Variants in RPL19 observed in about 807,000 individuals in gnomAD.
The protein encoded by RPL19 is ribosomal protein L19.
Under a neutral mutation model 25.1 loss-of-function variants are expected in RPL19, and 2 were observed. That is an observed-to-expected ratio of 0.08 (90% CI 0.03 to 0.25). The LOEUF (loss-of-function observed/expected upper bound fraction) is 0.25, where lower values mean the gene tolerates loss of function less well. Among genes scored for constraint, RPL19 ranks in the 10% least tolerant of loss-of-function variants. RPL19 has a pLI of 1.00. For synonymous variants in RPL19, 89 were observed against 91.2 expected (o/e 0.98, Z 0.14); for missense variants, 123 against 271.8 (o/e 0.45, Z 3.85).
At chr17:39,202,662 CAAGG>C in intron 3 of RPL19, 1 of 616,904 alleles carries the variant, frequency 1.6e-6, no homozygotes, top group South Asian at 2.0e-5. Flanking sequence ...TACACTATGC[CAAGG>C]ATTCTGTACT....
intron 4 of RPL19, 88 bp downstream of exon 4, chr17:39,203,197 T>C (rs1652663463): frequency 7.5e-7 from 1 of 1,341,026 alleles, no homozygotes; most frequent in Non-Finnish European, 1.0e-6. Context: ...TTTTTTTTTT[T>C]TTGAGATGGA....
chr17:39,204,214 G>A (rs748499368), intron 5 of RPL19, 27 bp downstream of exon 5: 1 of 1,373,010 alleles, frequency 7.3e-7, no homozygotes, highest in South Asian at 1.2e-5. Flanking sequence ...AGTCTTAGGG[G>A]AACATTCTTA....
chr17:39,200,492 C>G, intron 1 of RPL19, 143 bp downstream of exon 1: 1 of 1,304,402 alleles, frequency 7.7e-7, no homozygotes. Flanking sequence ...GGCCGGAGCA[C>G]TTTCGTCCCG....
Position 39,204,201 on chromosome 17 carries a change from CAG to C in RPL19, c.467+17_467+18del, listed in dbSNP as rs545687640. Reference sequence around the variant, plus strand: ...GAAGCTCCTGGCGTAAGTTTCTTTTCAGAGTCTTAGGGGAACATTCTTAGACC... The same window carrying C: ...GAAGCTCCTGGCGTAAGTTTCTTTTCAGTCTTAGGGGAACATTCTTAGACC... On this transcript the variant is annotated intron_variant, in intron 5 of 5. Transcript: ENST00000225430. 3.7e-4 allele frequency: 562 copies of C among 1,500,616 alleles called. No individual in the cohort carries two copies. The African/African-American group carries it at 4.7e-3, about 13-fold the overall frequency. 93.0% of individuals were successfully genotyped at this position (1,500,616 alleles called of 1,614,324 possible).
In RPL19 at chr17:39,204,618, T is replaced by A. The variant is rs11554148; in HGVS notation, c.561T>A (p.Thr187=). The change falls in exon 6 of 6, where the codon ACT becomes ACA. Residue 187 remains threonine, a synonymous_variant. Coordinates refer to ENST00000225430, the MANE Select transcript of RPL19 (RefSeq NM_000981.4). ...LQAKKEEIIK[T]LSKEEETKK ...CCAAGAAGGAGGAGATCATCAAGAC[T>A]TTATCCAAGGAGGAAGAGACCAAGA... The A allele has an allele frequency of 6.2e-7, 1 of 1,614,002 alleles. No homozygotes were observed. The highest frequency in any genetic ancestry group is 8.5e-7 in the Non-Finnish European group (1 of 1,179,984).
At position 39,201,240 on chromosome 17, in the gene RPL19, C is replaced by G. The variant is rs532832732; in HGVS notation, c.33C>G (p.Ala11=). The G allele has an allele frequency of 6.2e-7, 1 of 1,613,224 alleles. No homozygotes were observed. Among genetic ancestry groups the G allele is most frequent in the Non-Finnish European group, 8.5e-7 (1 of 1,179,720 alleles). Residue 11 remains alanine, a synonymous_variant, in exon 2 of 6, where the codon GCC becomes GCG. Transcript: ENST00000225430. ...TGCTCAGGCTTCAGAAGAGGCTCGC[C>G]TCTAGTGTCCTCCGCTGTGGCAAGA... MSMLRLQKRL[A]SSVLRCGKKK... is the part of the protein sequence containing the mutation.
intron 3 of RPL19, 149 bp downstream of exon 3, chr17:39,202,588 G>A: frequency 1.0e-6 from 1 of 983,964 alleles, no homozygotes; most frequent in Non-Finnish European, 1.5e-6. Context: ...AAATCAGAAA[G>A]TTGGTGCTGG....
chr17:39,202,825 T>TA, intron 3 of RPL19, 164 bp from the exon 4 acceptor site: 1 of 738,726 alleles, frequency 1.4e-6, no homozygotes, highest in Non-Finnish European at 2.2e-6. Context: ...CGAAAGAACT[T>TA]ACGTAGTTGG....
Position 39,200,294 on chromosome 17 carries a change from G to A in RPL19, c.-51G>A, listed in dbSNP as rs1375804993. ...GGGCTCTCCCCTTCGCAGATAATGG[G>A]AGGAGCCGGGCCCGAGCGAGCTCTT... On this transcript the variant is annotated 5_prime_UTR_variant, in exon 1 of 6. Coordinates refer to ENST00000225430, the MANE Select transcript of RPL19 (RefSeq NM_000981.4). 1 of 1,502,160 alleles carries A rather than the reference G, an allele frequency of 6.7e-7. No individual in the cohort carries two copies. Among genetic ancestry groups the A allele is most frequent in the Non-Finnish European group, 8.9e-7 (1 of 1,124,026 alleles). The allele number at this position is 1,502,160 out of a possible 1,614,324, so 93.1% of individuals were successfully genotyped here.
At chr17:39,203,926 CAAA>C (rs1196012227) in intron 4 of RPL19, 148 bp from the exon 5 acceptor site, 2 of 586,304 alleles carry the variant, frequency 3.4e-6, no homozygotes, top group Admixed American at 2.9e-5. Flanking sequence ...GAACTGCACA[CAAA>C]AAAGTCATGG....
intron 4 of RPL19, among the ~76,000 whole-genome samples, 186 bp from the exon 5 acceptor site, chr17:39,203,891 T>A (rs1352138617): frequency 1.3e-5 from 2 of 152,168 alleles, no homozygotes; most frequent in Non-Finnish European, 2.9e-5. Context: ...CCCAACAGTT[T>A]ATTTGCCAGG....
intron 3 of RPL19, 62 bp downstream of exon 3, chr17:39,202,501 T>G: frequency 6.3e-7 from 1 of 1,592,306 alleles, no homozygotes; most frequent in South Asian, 1.1e-5. Context: ...TGAAATATAT[T>G]CAGGATCTAA....
intron 1 of RPL19, among the ~76,000 whole-genome samples, chr17:39,200,925 T>C (rs1343509694): frequency 6.6e-6 from 1 of 152,150 alleles, no homozygotes; most frequent in African/African-American, 2.4e-5. Flanking sequence ...CTTTAAACGC[T>C]GAGTACCAGA....
chr17:39,204,265 T>A (rs1354092371), intron 5 of RPL19, 78 bp downstream of exon 5: 2 of 978,586 alleles, frequency 2.0e-6, no homozygotes, highest in Non-Finnish European at 3.3e-6. Context: ...AATGTGCCAA[T>A]GCCTAAGTCT....
intron 5 of RPL19, 100 bp from the exon 6 acceptor site, chr17:39,204,425 A>G: frequency 6.9e-7 from 1 of 1,444,734 alleles, no homozygotes; most frequent in Non-Finnish European, 9.5e-7. Context: ...TCATTCCAGA[A>G]GCTGACTAGG....
At chr17:39,200,589 G>A (rs2046279721) in intron 1 of RPL19, 1 of 1,259,448 alleles carries the variant, frequency 7.9e-7, no homozygotes, top group Non-Finnish European at 1.0e-6. Context: ...CCGCACACGT[G>A]TCCGGTCGAC....
chr17:39,200,998 C>G, intron 1 of RPL19: 1 of 501,520 alleles, frequency 2.0e-6, no homozygotes, highest in Non-Finnish European at 3.5e-6. Flanking sequence ...AGGAGAAATG[C>G]GAACATGAGG....
intron 2 of RPL19, 92 bp downstream of exon 2, chr17:39,201,411 T>A: frequency 1.2e-6 from 1 of 813,762 alleles, no homozygotes; most frequent in Non-Finnish European, 2.0e-6. Context: ...TTTTTTTTTT[T>A]TTTTTAGACA....
At chr17:39,201,159 C>A in intron 1 of RPL19, 54 bp from the exon 2 acceptor site, 1 of 1,213,352 alleles carries the variant, frequency 8.2e-7, no homozygotes, top group Non-Finnish European at 1.2e-6. Flanking sequence ...TGGGGACGTT[C>A]ATTCTTGCCC....
Sources: allele counts gnomAD v4.1 joint callset (sites outside exome capture counted in the v4.1 genomes callset), GRCh38; gene constraint gnomAD v4.1.1; transcripts MANE v1.5; gene names NCBI Gene and HGNC (gene_info 2026-07-23, HGNC 2026-07-21).